The following ADAM2 variants were observed in gnomAD, a reference collection of about 807,000 sequenced individuals.
ADAM2 encodes disintegrin and metalloproteinase domain-containing protein 2.
Under a neutral mutation model 99.3 loss-of-function variants are expected in ADAM2, and 101 were observed. The ratio of observed to expected loss-of-function variants is 1.02; its 90% CI spans 0.87 to 1.20. The LOEUF (loss-of-function observed/expected upper bound fraction) is 1.20. Ranked by LOEUF, ADAM2 falls within the 50% of genes most tolerant of loss-of-function variation. The pLI is 0.00. For missense variants in ADAM2, 948 were observed against 878.7 expected (o/e 1.08, Z -1.00); for synonymous variants, 323 against 287.6 (o/e 1.12, Z -1.25).
intron 8 of ADAM2, 106 bp from the exon 9 acceptor site, chr8:39,788,357 T>C: frequency 3.0e-6 from 2 of 666,076 alleles, no homozygotes; most frequent in Non-Finnish European, 4.6e-6. Flanking sequence ...AACTAAACTA[T>C]AAGTCTGCAT....
In ADAM2 at chr8:39,769,404, A is replaced by AC; in HGVS notation, c.1199dup (p.Cys400TrpfsTer4). The stretch of plus-strand genomic sequence containing the variant: ...AATTAGTACCAACCTGTTCAGTCCC[A>AC]CAGTCACACTCCTCTCCTGCTTCCA... On this transcript the variant is annotated frameshift_variant, in exon 12 of 21. Coordinates refer to ENST00000265708, the MANE Select transcript of ADAM2 (RefSeq NM_001464.5). LOFTEE classifies it high-confidence loss of function. 6.2e-7 allele frequency: 1 copy of AC among 1,613,598 alleles called. No individual in the cohort carries two copies. The highest frequency in any genetic ancestry group is 8.5e-7 in the Non-Finnish European group (1 of 1,179,638).
At chr8:39,747,458 A>T (rs1220297879) in intron 18 of ADAM2, among the ~76,000 whole-genome samples, 3 of 152,202 alleles carry the variant, frequency 2.0e-5, no homozygotes, top group Non-Finnish European at 4.4e-5. Flanking sequence ...ATGCATTTAC[A>T]TAAAATACTT....
chr8:39,754,775 ATTTG>A (rs1802082252), intron 16 of ADAM2, among the ~76,000 whole-genome samples: 3 of 152,206 alleles, frequency 2.0e-5, no homozygotes, highest in African/African-American at 7.2e-5. Context: ...CATGAGACTA[ATTTG>A]AGCTTGCACC....
Position 39,761,217 on chromosome 8 carries a change from G to A in ADAM2, c.1572C>T (p.Asn524=), listed in dbSNP as rs759004730. 4 of 1,604,136 alleles carry A rather than the reference G, an allele frequency of 2.5e-6. No individual in the cohort carries two copies. The highest frequency in any genetic ancestry group is 2.2e-5 in the South Asian group (2 of 89,398). ...TGTATCCTGAATCACTTATACCACAGTTTCCAGATACATCAGTCTTTGAAT... is the reference window on the plus strand; with the variant it reads ...TGTATCCTGAATCACTTATACCACAATTTCCAGATACATCAGTCTTTGAAT... ...HLNSKTDVSG[N]CGISDSGYTQ... The change falls in exon 15 of 21, where the codon AAC becomes AAT. Residue 524 remains asparagine, a synonymous_variant. Transcript: ENST00000265708.
intron 14 of ADAM2, among the ~76,000 whole-genome samples, chr8:39,763,048 C>G (rs1352333566): frequency 1.3e-5 from 2 of 152,134 alleles, no homozygotes; most frequent in Non-Finnish European, 2.9e-5. Context: ...AGGCTTACAG[C>G]TAATGAAGAG....
At chr8:39,836,181 T>C (rs1805814680) in intron 2 of ADAM2, among the ~76,000 whole-genome samples, 1 of 152,124 alleles carries the variant, frequency 6.6e-6, no homozygotes, top group South Asian at 2.1e-4. Context: ...TTTTTCCTCA[T>C]GAATTTGACA....
At chr8:39,771,821 C>CTGAT (rs2129584391) in intron 11 of ADAM2, among the ~76,000 whole-genome samples, 1 of 151,810 alleles carries the variant, frequency 6.6e-6, no homozygotes, top group East Asian at 1.9e-4. Flanking sequence ...TAGAAAAAAA[C>CTGAT]TGATAGAAAT....
intron 14 of ADAM2, among the ~76,000 whole-genome samples, chr8:39,765,609 CCCT>C: frequency 6.6e-6 from 1 of 152,160 alleles, no homozygotes; most frequent in East Asian, 1.9e-4. Flanking sequence ...GTCTTTTGCT[CCCT>C]CTTCTTTCTT....
intron 11 of ADAM2, among the ~76,000 whole-genome samples, chr8:39,775,209 C>T (rs1323043752): frequency 6.6e-6 from 1 of 151,998 alleles, no homozygotes; most frequent in Non-Finnish European, 1.5e-5. Flanking sequence ...TTTAGAGTGT[C>T]CTAGGAAAAA....
intron 4 of ADAM2, among the ~76,000 whole-genome samples, chr8:39,823,266 T>C (rs1805271535): frequency 6.6e-6 from 1 of 152,148 alleles, no homozygotes; most frequent in Admixed American, 6.5e-5. Context: ...TTTTCTTTTG[T>C]AGATAAGTCT....
At chr8:39,813,783 G>A (rs559534013) in intron 6 of ADAM2, among the ~76,000 whole-genome samples, 24 of 152,028 alleles carry the variant, frequency 1.6e-4, no homozygotes, top group South Asian at 6.2e-4. Context: ...GGTTGCGGGC[G>A]GGGAGGGATA....
chr8:39,806,710 G>A (rs962183368), intron 7 of ADAM2, among the ~76,000 whole-genome samples: 1 of 152,028 alleles, frequency 6.6e-6, no homozygotes, highest in Non-Finnish European at 1.5e-5. Context: ...TAGAGAAACT[G>A]TAAAGCAAAG....
intron 5 of ADAM2, 49 bp from the exon 6 acceptor site, chr8:39,821,219 A>G (rs1181253576): frequency 2.3e-6 from 3 of 1,278,288 alleles, no homozygotes; most frequent in Non-Finnish European, 2.2e-6. Context: ...CCTTGTGGAA[A>G]AGCCAATAAA....
chr8:39,759,954 C>T (rs1802286236), intron 15 of ADAM2, among the ~76,000 whole-genome samples: 1 of 152,122 alleles, frequency 6.6e-6, no homozygotes, highest in South Asian at 2.1e-4. Context: ...GCAACCTCTG[C>T]CTCCCAGGTT....
intron 10 of ADAM2, among the ~76,000 whole-genome samples, chr8:39,784,476 G>T (rs1418595184): frequency 7.2e-5 from 11 of 152,064 alleles, no homozygotes; most frequent in Admixed American, 7.2e-4. Flanking sequence ...GAACTCCTAG[G>T]CTCAAGTGAT....
intron 11 of ADAM2, among the ~76,000 whole-genome samples, chr8:39,776,666 G>A (rs1803002224): frequency 6.6e-6 from 1 of 152,116 alleles, no homozygotes; most frequent in Non-Finnish European, 1.5e-5. Context: ...ACTTCAGGCT[G>A]AACCAAGGCA....
At chr8:39,825,021 T>C (rs759521725) in intron 3 of ADAM2, 124 bp from the exon 4 acceptor site, 34 of 608,626 alleles carry the variant, frequency 5.6e-5, no homozygotes, top group Non-Finnish European at 9.9e-5. Flanking sequence ...GGATATTTTC[T>C]AAATATATGG....
intron 11 of ADAM2, among the ~76,000 whole-genome samples, chr8:39,773,477 T>A (rs890936519): frequency 2.0e-5 from 3 of 151,756 alleles, no homozygotes; most frequent in Non-Finnish European, 3.0e-5. Context: ...TAAAATATGA[T>A]TCTTTAAAAA....
In ADAM2 at chr8:39,759,872, A is replaced by AT. The variant is rs751045362; in HGVS notation, c.1613+1303dup. Reference sequence around the variant, plus strand: ...CATTCTAGTTCTAATTTATTTATTTATTTTTTATTTTTGAGGTGGAGTCTC... The same window carrying AT: ...CATTCTAGTTCTAATTTATTTATTTATTTTTTTATTTTTGAGGTGGAGTCTC... On this transcript the variant is annotated intron_variant, in intron 15 of 20. Transcript: ENST00000265708. 1.4e-4 allele frequency among the ~76,000 whole-genome samples: 21 copies of AT among 152,184 alleles called. No homozygotes were observed. In the East Asian group the frequency reaches 2.7e-3, roughly 20 times the overall value.
Sources: gnomAD v4.1 joint callset for allele counts (sites outside exome capture counted in the v4.1 genomes callset) on GRCh38, gnomAD v4.1.1 for gene constraint, MANE v1.5 for transcripts, NCBI Gene and HGNC (gene_info 2026-07-23, HGNC 2026-07-21) for gene names.